The following DAPP1 variants were observed in gnomAD, a reference collection of about 807,000 sequenced individuals.
DAPP1 encodes dual adaptor of phosphotyrosine and 3-phosphoinositides 1, also known as dual adapter for phosphotyrosine and 3-phosphotyrosine and 3-phosphoinositide.
DAPP1 carries 20 observed loss-of-function variants against 41.5 expected under a neutral mutation model. The ratio of observed to expected loss-of-function variants is 0.48; its 90% CI spans 0.34 to 0.70. The LOEUF is 0.70. DAPP1 is among the 30% of genes least tolerant of loss of function. The pLI is 0.01. For missense variants in DAPP1, 233 were observed against 333.4 expected, an observed-to-expected ratio of 0.70 and a Z score of 2.35; for synonymous variants, 113 against 116.2, an observed-to-expected ratio of 0.97 and a Z score of 0.18.
intron 4 of DAPP1, among the ~76,000 whole-genome samples, chr4:99,854,316 G>A (rs557115361): frequency 6.6e-6 from 1 of 152,078 alleles, no homozygotes; most frequent in African/African-American, 2.4e-5. Context: ...AATACTCCTG[G>A]TATAAGAAAC....
At chr4:99,863,164 A>G (rs560544384) in intron 6 of DAPP1, 92 bp downstream of exon 6, 4 of 729,436 alleles carry the variant, frequency 5.5e-6, no homozygotes, top group African/African-American at 3.7e-5. Context: ...TTATTTTTAT[A>G]TCCACCTGAA....
At chr4:99,840,131 A>G (rs1723446773) in intron 2 of DAPP1, among the ~76,000 whole-genome samples, 158 bp from the exon 3 acceptor site, 1 of 152,206 alleles carries the variant, frequency 6.6e-6, no homozygotes, top group Non-Finnish European at 1.5e-5. Context: ...GCCAAAAGAA[A>G]CTAGTGATGC....
intron 1 of DAPP1, among the ~76,000 whole-genome samples, chr4:99,821,787 G>A (rs1722783590): frequency 6.6e-6 from 1 of 152,124 alleles, no homozygotes; most frequent in Non-Finnish European, 1.5e-5. Context: ...AGAAAGTTCT[G>A]TGATTATAAC....
intron 1 of DAPP1, among the ~76,000 whole-genome samples, chr4:99,827,091 T>C (rs913235782): frequency 2.0e-5 from 3 of 152,164 alleles, no homozygotes; most frequent in Admixed American, 6.5e-5. Flanking sequence ...TTCCCATACA[T>C]GCTCCTCAAA....
chr4:99,833,928 A>G (rs1465554993), intron 1 of DAPP1, among the ~76,000 whole-genome samples: 2 of 152,216 alleles, frequency 1.3e-5, no homozygotes, highest in African/African-American at 2.4e-5. Context: ...TAATGTGTGC[A>G]GGACTCACAA....
intron 1 of DAPP1, among the ~76,000 whole-genome samples, chr4:99,835,095 G>A (rs925090421): frequency 6.0e-5 from 9 of 150,860 alleles, no homozygotes; most frequent in East Asian, 1.9e-4. Flanking sequence ...TGCAACCTCC[G>A]TCCCCCAGGT....
At chr4:99,851,979 CAA>C (rs1303597044) in intron 3 of DAPP1, among the ~76,000 whole-genome samples, 1 of 152,162 alleles carries the variant, frequency 6.6e-6, no homozygotes, top group Non-Finnish European at 1.5e-5. Context: ...CAAATCTTTT[CAA>C]AGACGCCCTT....
chr4:99,836,312 G>T (rs1247709635), intron 2 of DAPP1, among the ~76,000 whole-genome samples: 1 of 152,042 alleles, frequency 6.6e-6, no homozygotes, highest in Admixed American at 6.6e-5. Context: ...GATCTTTCAG[G>T]TCCTCCCCAC....
intron 4 of DAPP1, among the ~76,000 whole-genome samples, chr4:99,857,149 G>A (rs553955937): frequency 2.0e-5 from 3 of 152,278 alleles, no homozygotes; most frequent in Admixed American, 6.5e-5. Flanking sequence ...CAAAATCTCA[G>A]TAGTACCTTT....
chr4:99,835,814 CA>C (rs2110143332), intron 2 of DAPP1, 69 bp downstream of exon 2: 1 of 1,568,606 alleles, frequency 6.4e-7, no homozygotes, highest in South Asian at 1.2e-5. Context: ...TATCATCACT[CA>C]AATTGCCAGA....
At chr4:99,866,687 A>T (rs1450334926) in intron 8 of DAPP1, 55 of 728,604 alleles carry the variant, frequency 7.5e-5, no homozygotes, top group Non-Finnish European at 5.0e-6. Flanking sequence ...GTGAGTTCTT[A>T]GCCAAGAACT....
intron 3 of DAPP1, chr4:99,844,101 C>T (rs1421657237): frequency 2.0e-5 from 3 of 152,188 alleles, no homozygotes; most frequent in African/African-American, 4.8e-5. Flanking sequence ...CCTCTCCATC[C>T]CACGGCCACA....
rs1560713279 is a variant in DAPP1, at chr4:99,869,002, T to A, written c.*817T>A. ...ATAATTATTGTTATTATACTACTAA[T>A]AATAGAGCACTTGTAAGCACTAAGT... On this transcript the variant is annotated 3_prime_UTR_variant, in exon 9 of 9. Transcript: ENST00000512369. The A allele has an allele frequency of 6.6e-6, 1 of 152,210 alleles. No homozygotes were observed. Among genetic ancestry groups the A allele is most frequent in the African/African-American group, 2.4e-5 (1 of 41,450 alleles). 9.4% of individuals were successfully genotyped at this position (152,210 alleles called of 1,614,324 possible).
intron 3 of DAPP1, among the ~76,000 whole-genome samples, chr4:99,850,271 G>A (rs779580277): frequency 2.0e-5 from 3 of 152,084 alleles, no homozygotes; most frequent in African/African-American, 2.4e-5. Flanking sequence ...TTGGCCCGGT[G>A]TGGTGGTGGA....
intron 1 of DAPP1, among the ~76,000 whole-genome samples, chr4:99,827,559 CA>C (rs796512554): frequency 8.3e-6 from 1 of 121,038 alleles, no homozygotes; most frequent in Non-Finnish European, 1.7e-5. Context: ...AAAAACAAAA[CA>C]AAAAACACCA....
At chr4:99,859,404 A>G (rs767566597) in intron 4 of DAPP1, among the ~76,000 whole-genome samples, 3 of 151,960 alleles carry the variant, frequency 2.0e-5, no homozygotes, top group Non-Finnish European at 4.4e-5. Flanking sequence ...TCAGGATGTC[A>G]CTCTCCCAGC....
At chr4:99,851,136 A>C (rs1053821660) in intron 3 of DAPP1, among the ~76,000 whole-genome samples, 2 of 152,220 alleles carry the variant, frequency 1.3e-5, no homozygotes. Flanking sequence ...CTGAGCCTGC[A>C]CAGCAGCTAC....
At chr4:99,821,085 G>C (rs1722759366) in intron 1 of DAPP1, among the ~76,000 whole-genome samples, 2 of 152,208 alleles carry the variant, frequency 1.3e-5, no homozygotes, top group African/African-American at 2.4e-5. Context: ...CACAGGAAGA[G>C]ACTCAAGAGC....
chr4:99,836,778 G>T (rs1723317004), intron 2 of DAPP1, among the ~76,000 whole-genome samples: 1 of 152,122 alleles, frequency 6.6e-6, no homozygotes, highest in Non-Finnish European at 1.5e-5. Context: ...AAAAACTTAG[G>T]GACTTAAAGC....
Sources: gnomAD v4.1 joint callset for allele counts (sites outside exome capture counted in the v4.1 genomes callset) on GRCh38, gnomAD v4.1.1 for gene constraint, MANE v1.5 for transcripts, NCBI Gene and HGNC (gene_info 2026-07-23, HGNC 2026-07-21) for gene names.